The following HERC1 variants were observed in gnomAD, a reference collection of about 807,000 sequenced individuals.
HERC1 encodes HECT and RLD domain containing E3 ubiquitin protein ligase family member 1, also known as probable E3 ubiquitin-protein ligase HERC1.
Under a neutral mutation model 554.3 loss-of-function variants are expected in HERC1, and 160 were observed. The observed-to-expected ratio is 0.29, with a 90% CI of 0.25 to 0.33. HERC1 has a LOEUF of 0.33. Among genes scored for constraint, HERC1 ranks in the 10% least tolerant of loss-of-function variants. HERC1 has a pLI of 1.00. For missense variants in HERC1, 4,919 were observed against 5,918.5 expected, an observed-to-expected ratio of 0.83 and a Z score of 5.54; for synonymous variants, 2,175 against 2,131.7, an observed-to-expected ratio of 1.02 and a Z score of -0.56.
In HERC1 at chr15:63,659,802, G is replaced by C; in HGVS notation, c.9358C>G (p.Pro3120Ala). 6.2e-7 allele frequency: 1 copy of C among 1,613,866 alleles called. No individual in the cohort carries two copies. Among genetic ancestry groups the C allele is most frequent in the Non-Finnish European group, 8.5e-7 (1 of 1,179,826 alleles). Residue 3120 changes from proline to alanine, a missense_variant, in exon 47 of 78, where the codon CCA (proline) becomes GCA (alanine). Physicochemically the swap from Pro to Ala is conservative, Grantham distance 27. Transcript: ENST00000443617. ...ACCATTGCTACTGATGCTCCCAGTG[G>C]ATCGCTGTCAGGGAACTGAACTGGT... ...PEPVQFPDSD[P>A]LGASVAMVTA...
intron 1 of HERC1, among the ~76,000 whole-genome samples, chr15:63,831,157 AG>A (rs1280997238): frequency 2.6e-5 from 4 of 152,162 alleles, no homozygotes; most frequent in Admixed American, 6.5e-5. Flanking sequence ...CCCAGGCTGG[AG>A]TAGAGTGGTG....
intron 3 of HERC1, among the ~76,000 whole-genome samples, chr15:63,760,370 T>C (rs2075567884): frequency 6.9e-6 from 1 of 145,792 alleles, no homozygotes; most frequent in Admixed American, 7.0e-5. Context: ...TATGAAGTTA[T>C]TATAAAGTTG....
intron 3 of HERC1, among the ~76,000 whole-genome samples, chr15:63,761,901 G>A (rs1164465941): frequency 2.0e-5 from 3 of 152,164 alleles, no homozygotes; most frequent in Non-Finnish European, 4.4e-5. Context: ...GAATTTGAAA[G>A]TATCAGTATG....
Position 63,763,121 on chromosome 15 carries a change from C to A in HERC1, c.1026+975G>T, listed in dbSNP as rs181372005. On this transcript the variant is annotated intron_variant, in intron 3 of 77. Coordinates refer to ENST00000443617, the MANE Select transcript of HERC1 (RefSeq NM_003922.4). ...TAGCCATGGCCCCCTGGTGTCCCACCTTTCTCTCTCAAACTGTCTTTTTCT... is the reference window on the plus strand; with the variant it reads ...TAGCCATGGCCCCCTGGTGTCCCACATTTCTCTCTCAAACTGTCTTTTTCT... Among the ~76,000 whole-genome samples the A allele has an allele frequency of 2.6e-5, 4 of 152,340 alleles. No individual in the cohort carries two copies. The East Asian group carries it at 7.7e-4, about 29-fold the overall frequency.
At position 63,651,288 on chromosome 15, in the gene HERC1, G is replaced by C; in HGVS notation, c.10511C>G (p.Ala3504Gly). 2 of 1,613,812 alleles carry C rather than the reference G, an allele frequency of 1.2e-6. No individual in the cohort carries two copies. Among genetic ancestry groups the C allele is most frequent in the Non-Finnish European group, 1.7e-6 (2 of 1,179,790 alleles). The change falls in exon 53 of 78, where the codon GCT becomes GGT. Residue 3504 changes from alanine (A) to glycine (G), a missense_variant. Ala to Gly is a moderately conservative substitution (Grantham distance 60). Transcript: ENST00000443617. Reference protein sequence around the residue: ...WSISGKYLAGALEKMVNIWQV... With the variant: ...WSISGKYLAGGLEKMVNIWQV... ...CCAGATATTCACCATCTTTTCCAAA[G>C]CGCCTGCTAGATATTTGCCACTGAT...
At chr15:63,736,529 C>G (rs905562667) in intron 12 of HERC1, among the ~76,000 whole-genome samples, 4 of 152,076 alleles carry the variant, frequency 2.6e-5, no homozygotes, top group African/African-American at 9.7e-5. Context: ...CCAGTCACAT[C>G]AATCTACAAT....
rs1174341965 is a variant in HERC1 at position 63,686,344 on chromosome 15, A to C, written c.6225+15T>G. On this transcript the variant is annotated intron_variant, in intron 34 of 77. Coordinates refer to ENST00000443617, the MANE Select transcript of HERC1 (RefSeq NM_003922.4). ...AAAAGACAAAATGCTAAAAACTATT[A>C]GATTTTCTACGTACCTTCCACTGAT... 7 of 1,561,434 alleles carry C rather than the reference A, an allele frequency of 4.5e-6. No homozygotes were observed. The highest frequency in any genetic ancestry group is 4.2e-5 in the Admixed American group (2 of 47,842).
intron 77 of HERC1, 23 bp from the exon 78 acceptor site, chr15:63,609,289 G>A (rs529261074): frequency 1.3e-5 from 20 of 1,582,198 alleles, no homozygotes; most frequent in Admixed American, 1.0e-4. Context: ...ACCCAGAGCC[G>A]TGACTGGGGA....
intron 70 of HERC1, among the ~76,000 whole-genome samples, chr15:63,628,321 C>T (rs569687613): frequency 1.3e-5 from 2 of 152,118 alleles, no homozygotes; most frequent in African/African-American, 4.8e-5. Flanking sequence ...ACCTGGGAGG[C>T]GGAGGCTGCA....
chr15:63,624,403 A>T, intron 71 of HERC1, 76 bp from the exon 72 acceptor site: 1 of 1,383,758 alleles, frequency 7.2e-7, no homozygotes, highest in Non-Finnish European at 9.8e-7. Flanking sequence ...CTTATAGAAC[A>T]TACATTATTT....
chr15:63,707,286 G>A (rs1335190082), intron 24 of HERC1, among the ~76,000 whole-genome samples: 6 of 152,154 alleles, frequency 3.9e-5, no homozygotes, highest in South Asian at 2.1e-4. Flanking sequence ...GATAGTCTCC[G>A]TACTAACAGA....
At chr15:63,689,824 A>G in intron 32 of HERC1, 125 bp from the exon 33 acceptor site, 1 of 548,854 alleles carries the variant, frequency 1.8e-6, no homozygotes, top group Non-Finnish European at 3.2e-6. Context: ...AGTGTTCAAC[A>G]GCTACTTTTA....
Position 63,614,599 on chromosome 15 carries a change from T to G in HERC1, c.14094+1169A>C, listed in dbSNP as rs1595816898. Among the ~76,000 whole-genome samples the G allele has an allele frequency of 3.9e-5, 6 of 152,326 alleles. No individual in the cohort carries two copies. In the South Asian group the frequency reaches 1.2e-3, roughly 32 times the overall value. The stretch of plus-strand genomic sequence containing the variant: ...AGTGAGGGGTATGGAGTATGTATAC[T>G]TCAAATCACTAAACTTCTATAGCTT... On this transcript the variant is annotated intron_variant, in intron 76 of 77. Transcript: ENST00000443617.
intron 1 of HERC1, among the ~76,000 whole-genome samples, chr15:63,804,286 C>G (rs1469720593): frequency 1.3e-5 from 2 of 152,094 alleles, no homozygotes; most frequent in Non-Finnish European, 2.9e-5. Flanking sequence ...AAACTTTTGT[C>G]CTTCAAAAAG....
At chr15:63,657,877 G>GA (rs1419610408) in intron 48 of HERC1, among the ~76,000 whole-genome samples, 2 of 151,622 alleles carry the variant, frequency 1.3e-5, no homozygotes, top group Non-Finnish European at 2.9e-5. Context: ...TTCAGTTACT[G>GA]AAAAAAACAG....
At chr15:63,622,409 C>T (rs1163599479) in intron 74 of HERC1, among the ~76,000 whole-genome samples, 3 of 149,278 alleles carry the variant, frequency 2.0e-5, no homozygotes, top group Admixed American at 1.4e-4. Flanking sequence ...CTCACTGCAG[C>T]CTCTGCCTCC....
rs150656711 is a variant in HERC1, at chr15:63,780,751, G to C, written c.-26-5102C>G. 7.1e-3 allele frequency among the ~76,000 whole-genome samples: 1,073 copies of C among 151,704 alleles called. 14 individuals are homozygous for C. Among genetic ancestry groups the C allele is most frequent in the African/African-American group, 0.025 (1,032 of 41,392 alleles). ...AAAAAAAGGTAAAACAGAGACTAAAGGTTAGCTGTAAGACCGAGCACAGCT... is the reference window on the plus strand; with the variant it reads ...AAAAAAAGGTAAAACAGAGACTAAACGTTAGCTGTAAGACCGAGCACAGCT... On this transcript the variant is annotated intron_variant, in intron 1 of 77. Coordinates refer to ENST00000443617, the MANE Select transcript of HERC1 (RefSeq NM_003922.4).
intron 12 of HERC1, among the ~76,000 whole-genome samples, chr15:63,737,047 A>C (rs935872510): frequency 1.3e-5 from 2 of 152,122 alleles, no homozygotes; most frequent in African/African-American, 4.8e-5. Context: ...CAAGAACAAA[A>C]ATTAGTATCT....
intron 34 of HERC1, among the ~76,000 whole-genome samples, chr15:63,682,549 C>A (rs1281404186): frequency 6.6e-6 from 1 of 152,118 alleles, no homozygotes; most frequent in Non-Finnish European, 1.5e-5. Flanking sequence ...GGAGGGAGGA[C>A]TGCTTGAAGC....
Sources: gnomAD v4.1 joint callset for allele counts (sites outside exome capture counted in the v4.1 genomes callset) on GRCh38, gnomAD v4.1.1 for gene constraint, MANE v1.5 for transcripts, NCBI Gene and HGNC (gene_info 2026-07-23, HGNC 2026-07-21) for gene names.